GRHL2: variants seen among roughly 807,000 people sequenced by gnomAD.
GRHL2 encodes grainyhead-like protein 2 homolog.
Under a neutral mutation model 83.8 loss-of-function variants are expected in GRHL2, and 21 were observed. That is an observed-to-expected ratio of 0.25 (90% CI 0.18 to 0.36). The LOEUF is 0.36. GRHL2 is among the 10% of genes least tolerant of loss of function. GRHL2 has a pLI of 1.00. For missense variants in GRHL2, 623 were observed against 781.8 expected (o/e 0.80, Z 2.42); for synonymous variants, 280 against 278.9 (o/e 1.00, Z -0.04).
intron 1 of GRHL2, among the ~76,000 whole-genome samples, chr8:101,506,971 G>A (rs1424102102): frequency 1.3e-5 from 2 of 152,120 alleles, no homozygotes; most frequent in African/African-American, 4.8e-5. Context: ...TTATGTTCTG[G>A]AGGAGAGGGA....
Position 101,669,254 on chromosome 8 carries a change from C to CTTTTTTTTTTTTTTTTTTTTTT in GRHL2, c.*2563_*2564insTTTTTTTTTTTTTTTTTTTTTT, listed in dbSNP as rs71276995. On this transcript the variant is annotated 3_prime_UTR_variant, in exon 16 of 16. Transcript: ENST00000646743. ...GGACATGTGAAATGAGCATTTTTTT[C>CTTTTTTTTTTTTTTTTTTTTTT]TTTTTTTTTTTTAACAAAGTCTGAA... 16 of 126,494 alleles carry CTTTTTTTTTTTTTTTTTTTTTT rather than the reference C, an allele frequency of 1.3e-4. No homozygotes were observed. Among genetic ancestry groups the CTTTTTTTTTTTTTTTTTTTTTT allele is most frequent in the Admixed American group, 2.6e-4 (3 of 11,492 alleles). The allele number at this position is 126,494 out of a possible 1,614,324, so 7.8% of individuals were successfully genotyped here. A position where few individuals can be genotyped will look rare whatever the true frequency, so the allele number is the denominator to read the frequency against.
In GRHL2 at chr8:101,631,720, C is replaced by A. The variant is rs1319231591; in HGVS notation, c.1341C>A (p.Asn447Lys). ...GCCAGGCCTCCCAAACTCAATGCAA[C>A]AGCTGTGAGTTTCACTGAGACTAAT... is the stretch of plus-strand genomic sequence containing the variant. ...GKGQASQTQCNSSSDGKLAAI... is the reference protein window; with the variant it reads ...GKGQASQTQCKSSSDGKLAAI... Residue 447 changes from asparagine (N) to lysine (K), a missense_variant, in exon 10 of 16, where the codon AAC becomes AAA. Physicochemically the swap from Asn to Lys is moderately conservative, Grantham distance 94. This residue lies in a region of GRHL2 where 210 missense variants were observed against 254.8 expected (regional missense o/e 0.82). Transcript: ENST00000646743. 6.2e-7 allele frequency: 1 copy of A among 1,611,082 alleles called. No homozygotes were observed. Among genetic ancestry groups the A allele is most frequent in the Admixed American group, 1.7e-5 (1 of 59,986 alleles).
At chr8:101,530,079 C>T (rs1810892705) in intron 1 of GRHL2, among the ~76,000 whole-genome samples, 1 of 152,174 alleles carries the variant, frequency 6.6e-6, no homozygotes. Context: ...CCATTGGGCA[C>T]ACTGTACAGG....
chr8:101,562,011 T>G (rs1293498715), intron 4 of GRHL2: 1 of 794,944 alleles, frequency 1.3e-6, no homozygotes, highest in Non-Finnish European at 2.1e-6. Context: ...AAGAAGCATC[T>G]TCCATGTCCA....
chr8:101,659,800 TTGAG>T, intron 14 of GRHL2, among the ~76,000 whole-genome samples: 1 of 152,234 alleles, frequency 6.6e-6, no homozygotes, highest in East Asian at 1.9e-4. Flanking sequence ...CTGTACATTA[TTGAG>T]TGTCTCGCCA....
chr8:101,644,011 T>C, intron 12 of GRHL2, 120 bp from the exon 13 acceptor site: 1 of 841,876 alleles, frequency 1.2e-6, no homozygotes, highest in Admixed American at 2.0e-5. Context: ...GGTGAGTAGA[T>C]CCAGTTACGG....
At chr8:101,626,510 A>G (rs571026018) in intron 9 of GRHL2, among the ~76,000 whole-genome samples, 49 of 152,224 alleles carry the variant, frequency 3.2e-4, no homozygotes, top group African/African-American at 8.9e-4. Context: ...CAATAGCTAC[A>G]TATTGTGGAA....
chr8:101,500,694 A>G (rs555979820), intron 1 of GRHL2, among the ~76,000 whole-genome samples: 4 of 152,244 alleles, frequency 2.6e-5, no homozygotes, highest in African/African-American at 9.6e-5. Context: ...TATTTTTAGT[A>G]GAGACGGAGT....
At chr8:101,627,043 G>A (rs1813095209) in intron 9 of GRHL2, among the ~76,000 whole-genome samples, 1 of 152,050 alleles carries the variant, frequency 6.6e-6, no homozygotes, top group Non-Finnish European at 1.5e-5. Flanking sequence ...GCCACCATCT[G>A]CTGTATAGAT....
At chr8:101,640,859 G>C (rs1813386710) in intron 12 of GRHL2, among the ~76,000 whole-genome samples, 1 of 152,060 alleles carries the variant, frequency 6.6e-6, no homozygotes, top group Admixed American at 6.6e-5. Context: ...CTCTCTCCAA[G>C]ACTTTATTTT....
intron 4 of GRHL2, among the ~76,000 whole-genome samples, chr8:101,563,763 G>C (rs535164083): frequency 1.3e-5 from 2 of 150,550 alleles, no homozygotes; most frequent in South Asian, 4.2e-4. Flanking sequence ...GAAGGATCTT[G>C]TAGAGTCTTT....
intron 4 of GRHL2, among the ~76,000 whole-genome samples, chr8:101,566,786 C>A (rs1811728575): frequency 6.6e-6 from 1 of 151,874 alleles, no homozygotes; most frequent in Non-Finnish European, 1.5e-5. Flanking sequence ...TTTCTCATAG[C>A]AGTGAATTTG....
At chr8:101,598,609 T>TA (rs1474220535) in intron 7 of GRHL2, among the ~76,000 whole-genome samples, 10 of 131,914 alleles carry the variant, frequency 7.6e-5, no homozygotes, top group Admixed American at 2.4e-4. Flanking sequence ...TTTTTTTTTT[T>TA]TACTAAAGTA....
chr8:101,616,209 T>C (rs1193775294), intron 8 of GRHL2, among the ~76,000 whole-genome samples: 1 of 151,680 alleles, frequency 6.6e-6, no homozygotes, highest in African/African-American at 2.4e-5. Context: ...TCACTCTTGT[T>C]GCCCAGGCTG....
chr8:101,495,298 T>C (rs1460195602), intron 1 of GRHL2, among the ~76,000 whole-genome samples: 1 of 152,246 alleles, frequency 6.6e-6, no homozygotes, highest in Non-Finnish European at 1.5e-5. Flanking sequence ...ATTTAGGCAA[T>C]CTTTGGGATT....
At chr8:101,612,687 C>G (rs949507561) in intron 8 of GRHL2, among the ~76,000 whole-genome samples, 6 of 151,028 alleles carry the variant, frequency 4.0e-5, no homozygotes, top group African/African-American at 1.5e-4. Context: ...ATATTAATCT[C>G]TGCTCTTAGG....
chr8:101,619,979 A>C (rs1197216710), intron 9 of GRHL2, among the ~76,000 whole-genome samples: 2 of 151,730 alleles, frequency 1.3e-5, no homozygotes, highest in African/African-American at 2.4e-5. Flanking sequence ...AAAACCATAG[A>C]CTGGATGGCT....
chr8:101,659,616 C>A (rs1813876030), intron 14 of GRHL2, among the ~76,000 whole-genome samples: 1 of 152,174 alleles, frequency 6.6e-6, no homozygotes. Flanking sequence ...GCTCAGAGCC[C>A]TCTGGATGCA....
chr8:101,499,995 G>GA (rs1012446570), intron 1 of GRHL2, among the ~76,000 whole-genome samples: 7 of 152,108 alleles, frequency 4.6e-5, no homozygotes, highest in Non-Finnish European at 1.5e-5. Context: ...AGAATCGCTT[G>GA]AACACAGGAG....
Sources: allele counts gnomAD v4.1 joint callset (sites outside exome capture counted in the v4.1 genomes callset), GRCh38; gene constraint gnomAD v4.1.1; regional missense constraint gnomAD v4.1.1; transcripts MANE v1.5; gene names NCBI Gene and HGNC (gene_info 2026-07-23, HGNC 2026-07-21).